Variants in MEGF6 observed in about 807,000 individuals in gnomAD.
MEGF6 encodes the protein multiple epidermal growth factor-like domains protein 6.
In MEGF6, 184 loss-of-function variants were observed where a neutral mutation model predicts 207.1. That is an observed-to-expected ratio of 0.89 (90% CI 0.79 to 1.00). The LOEUF (loss-of-function observed/expected upper bound fraction) is 1.00. Among genes scored for constraint, MEGF6 ranks in the 50% least tolerant of loss-of-function variants. The pLI is 0.00. For missense variants in MEGF6, 2,282 were observed against 2,202.9 expected, an observed-to-expected ratio of 1.04 and a Z score of -0.72; for synonymous variants, 1,038 against 910.0, an observed-to-expected ratio of 1.14 and a Z score of -2.53.
intron 3 of MEGF6, among the ~76,000 whole-genome samples, chr1:3,592,993 A>T (rs1033773985): frequency 1.3e-5 from 2 of 151,806 alleles, no homozygotes; most frequent in East Asian, 3.9e-4. Flanking sequence ...GGTCTCAGCC[A>T]AGATGCCCTC....
rs1301656417 is a variant in MEGF6, at chr1:3,493,626, C to G, written c.4387+145G>C. 2.9e-5 allele frequency: 35 copies of G among 1,187,774 alleles called. No homozygotes were observed. The Admixed American group carries it at 3.1e-4, about 10-fold the overall frequency. 73.6% of individuals were successfully genotyped at this position (1,187,774 alleles called of 1,614,324 possible). On this transcript the variant is annotated intron_variant, in intron 34 of 36. Coordinates refer to ENST00000356575, the MANE Select transcript of MEGF6 (RefSeq NM_001409.4). ...TGTCCCAGCAGCTGACTCCAGCCCCCCCAGGGGGCACAGTCCAGGTGCAGA... is the reference window on the plus strand; with the variant it reads ...TGTCCCAGCAGCTGACTCCAGCCCCGCCAGGGGGCACAGTCCAGGTGCAGA...
intron 3 of MEGF6, among the ~76,000 whole-genome samples, chr1:3,589,160 G>C (rs967218017): frequency 6.6e-6 from 1 of 152,164 alleles, no homozygotes; most frequent in Non-Finnish European, 1.5e-5. Flanking sequence ...GCAGAGTGGG[G>C]AACGAGGCGT....
chr1:3,506,896 C>T (rs376627775), intron 14 of MEGF6, among the ~76,000 whole-genome samples: 481 of 152,318 alleles, frequency 3.2e-3, no homozygotes, highest in African/African-American at 1.0e-2. Flanking sequence ...GAGAGGCAGG[C>T]GGAAGCCGAG....
At chr1:3,585,561 GTGAA>G (rs1222519630) in intron 3 of MEGF6, among the ~76,000 whole-genome samples, 4 of 135,414 alleles carry the variant, frequency 3.0e-5, no homozygotes, top group South Asian at 2.7e-4. Context: ...GTGTGTGGGT[GTGAA>G]TGAGGACACA....
At chr1:3,535,849 G>A (rs918110258) in intron 4 of MEGF6, among the ~76,000 whole-genome samples, 14 of 152,286 alleles carry the variant, frequency 9.2e-5, no homozygotes, top group East Asian at 3.9e-4. Context: ...CACCTCCTTC[G>A]GGTTCCTCCA....
intron 3 of MEGF6, among the ~76,000 whole-genome samples, chr1:3,587,942 G>C (rs1374192063): frequency 6.3e-5 from 1 of 15,966 alleles, no homozygotes; most frequent in African/African-American, 4.0e-4. Flanking sequence ...GGGGGCAGGA[G>C]GGGGCAGGAG....
chr1:3,590,003 T>A (rs1222843491), intron 3 of MEGF6, among the ~76,000 whole-genome samples: 1 of 152,200 alleles, frequency 6.6e-6, no homozygotes, highest in Non-Finnish European at 1.5e-5. Flanking sequence ...CCAGTGCCCA[T>A]CACAGCCCAT....
chr1:3,540,628 T>C (rs1166360872), intron 4 of MEGF6, among the ~76,000 whole-genome samples: 6 of 152,232 alleles, frequency 3.9e-5, no homozygotes, highest in Non-Finnish European at 8.8e-5. Context: ...CCTGGATGTA[T>C]GTCTTACAGC....
At position 3,505,549 on chromosome 1, in the gene MEGF6, C is replaced by G. The variant is rs116651284; in HGVS notation, c.1926G>C (p.Pro642=). ...LYGRFCHLTC[P]PWAFGPGCSE... Reference sequence around the variant, plus strand: ...AGCAGCCCGGCCCAAAGGCCCACGGCGGGCAGGCTGCACCCACAGAACCGT... The same window carrying G: ...AGCAGCCCGGCCCAAAGGCCCACGGGGGGCAGGCTGCACCCACAGAACCGT... The change falls in exon 16 of 37, where the codon CCG becomes CCC. Residue 642 remains proline, a synonymous_variant. Transcript: ENST00000356575. The G allele has an allele frequency of 6.3e-7, 1 of 1,577,542 alleles. No homozygotes were observed. Among genetic ancestry groups the G allele is most frequent in the East Asian group, 2.3e-5 (1 of 43,402 alleles).
rs750162733 is a variant in MEGF6, at chr1:3,515,499, G to A, written c.633C>T (p.Gly211=). The A allele has an allele frequency of 4.0e-5, 64 of 1,612,556 alleles. 1 individual carries two copies. Among genetic ancestry groups the A allele is most frequent in the East Asian group, 1.1e-4 (5 of 44,894 alleles). ...GCTGGACACAGTGGTGCTGGCAGCC[G>A]CCATTGCCCAGGGCGCAGGAGTTAA... is the stretch of plus-strand genomic sequence containing the variant. ...LAINSCALGN[G]GCQHHCVQLT... Residue 211 remains glycine, a synonymous_variant, in exon 6 of 37, where the codon GGC becomes GGT. Coordinates refer to ENST00000356575, the MANE Select transcript of MEGF6 (RefSeq NM_001409.4).
At chr1:3,545,972 A>G (rs1642690296) in intron 4 of MEGF6, among the ~76,000 whole-genome samples, 1 of 151,594 alleles carries the variant, frequency 6.6e-6, no homozygotes, top group Non-Finnish European at 1.5e-5. Flanking sequence ...TCGCAGCTGG[A>G]CAGCTGGAGA....
At position 3,509,872 on chromosome 1, in the gene MEGF6, C is replaced by A; in HGVS notation, c.1355G>T (p.Ser452Ile). The change falls in exon 11 of 37, where the codon AGC (serine) becomes ATC (isoleucine). Residue 452 changes from serine to isoleucine, a missense_variant and splice_region_variant. Ser to Ile is a moderately radical substitution (Grantham distance 142, BLOSUM62 -2). Transcript: ENST00000356575. The stretch of plus-strand genomic sequence containing the variant: ...TCCGCGGAGGGCGGGAGACTCACGG[C>A]TGCAGCCCCTACGGTCCTCGTGCAG... ...YRLHEDRRGCSPLEEPMVDLD... is the reference protein window; with the variant it reads ...YRLHEDRRGCIPLEEPMVDLD... 6.4e-7 allele frequency: 1 copy of A among 1,554,082 alleles called. No homozygotes were observed. The highest frequency in any genetic ancestry group is 1.9e-5 in the Admixed American group (1 of 51,482).
chr1:3,499,799 G>A lies in MEGF6; in HGVS notation c.2833C>T (p.His945Tyr). Residue 945 changes from histidine (H) to tyrosine (Y), a missense_variant, in exon 22 of 37, where the codon CAT becomes TAT. By Grantham distance (83) the His-to-Tyr change is moderately conservative. Transcript: ENST00000356575. The stretch of plus-strand genomic sequence containing the variant: ...CCCCGCCTGTGCCGTAGCTCACCAT[G>A]CTCGCAGAAGGTGCCCCTCCAGCCG... ...PAGWRGTFCE[H>Y]ACPAGFFGLD... 6.4e-7 allele frequency: 1 copy of A among 1,559,752 alleles called. No individual in the cohort carries two copies. The highest frequency in any genetic ancestry group is 2.4e-5 in the East Asian group (1 of 41,886).
rs970146104 is a variant in MEGF6, at chr1:3,504,072, G to C, written c.2188+1136C>G. ...TGGGGAGGGGAAGGGCCCATGCTGG[G>C]GGGGCTTGAGTCCAGAGAGCCCCCT... On this transcript the variant is annotated intron_variant, in intron 17 of 36. Coordinates refer to ENST00000356575, the MANE Select transcript of MEGF6 (RefSeq NM_001409.4). Among the ~76,000 whole-genome samples the C allele has an allele frequency of 2.6e-5, 4 of 152,118 alleles. No homozygotes were observed. In the East Asian group the frequency reaches 7.7e-4, roughly 29 times the overall value.
chr1:3,619,543 TC>T, the MEGF6 span, among the ~76,000 whole-genome samples: 15 of 152,324 alleles, frequency 9.8e-5, no homozygotes, highest in South Asian at 2.9e-3. Context: ...GGCAGATTTC[TC>T]CCTTGCTGTT....
intron 17 of MEGF6, among the ~76,000 whole-genome samples, chr1:3,503,557 G>A (rs941499694): frequency 3.3e-5 from 5 of 152,056 alleles, no homozygotes; most frequent in African/African-American, 7.2e-5. Flanking sequence ...CTTCTCTGGC[G>A]AGGCCTGTTC....
chr1:3,494,821 C>G (rs1321597361), intron 30 of MEGF6, 80 bp from the exon 31 acceptor site: 2 of 1,456,300 alleles, frequency 1.4e-6, no homozygotes, highest in African/African-American at 1.4e-5. Flanking sequence ...CACAGGCTGA[C>G]AGTCACTCGG....
intron 3 of MEGF6, among the ~76,000 whole-genome samples, chr1:3,586,014 CTGTGTG>C (rs1643889577): frequency 7.0e-6 from 1 of 142,450 alleles, no homozygotes; most frequent in African/African-American, 2.7e-5. Flanking sequence ...GACACATGTC[CTGTGTG>C]TGGGTGTGTG....
intron 2 of MEGF6, among the ~76,000 whole-genome samples, chr1:3,598,273 C>G (rs567635478): frequency 1.6e-4 from 24 of 152,316 alleles, no homozygotes; most frequent in South Asian, 8.3e-4. Flanking sequence ...GAGGTGGGCC[C>G]TGGGGACCCT....
Sources: allele counts gnomAD v4.1 joint callset (sites outside exome capture counted in the v4.1 genomes callset), GRCh38; gene constraint gnomAD v4.1.1; transcripts MANE v1.5; gene names NCBI Gene and HGNC (gene_info 2026-07-23, HGNC 2026-07-21).